The following NAV3 variants were observed in gnomAD, a reference collection of about 807,000 sequenced individuals.
NAV3 encodes the protein pore membrane and/or filament interacting like protein 1.
A neutral mutation model predicts 244.7 loss-of-function variants in NAV3; 87 were observed. The ratio of observed to expected loss-of-function variants is 0.36; its 90% CI spans 0.30 to 0.42. The LOEUF (loss-of-function observed/expected upper bound fraction) is 0.42. Among genes scored for constraint, NAV3 ranks in the 20% least tolerant of loss-of-function variants. The pLI is 1.00. For missense variants in NAV3, 2,663 were observed against 2,893.3 expected, an observed-to-expected ratio of 0.92 and a Z score of 1.83; for synonymous variants, 1,126 against 1,042.2, an observed-to-expected ratio of 1.08 and a Z score of -1.55.
Position 78,161,173 on chromosome 12 carries a change from A to G in NAV3, c.4869+1887A>G, listed in dbSNP as rs1419201583. 3.3e-5 allele frequency among the ~76,000 whole-genome samples: 5 copies of G among 152,244 alleles called. No homozygotes were observed. In the South Asian group the frequency reaches 1.0e-3, roughly 32 times the overall value. On this transcript the variant is annotated intron_variant, in intron 23 of 39. Coordinates refer to ENST00000397909, the MANE Select transcript of NAV3 (RefSeq NM_001024383.2). Reference sequence around the variant, plus strand: ...TTTATCTAACCTTTCTTGAACCTCAAATTCACCTTCTTAAAAGTGGGGATG... The same window carrying G: ...TTTATCTAACCTTTCTTGAACCTCAGATTCACCTTCTTAAAAGTGGGGATG...
At chr12:77,929,598 G>T (rs182414850) in intron 1 of NAV3, among the ~76,000 whole-genome samples, 5 of 151,286 alleles carry the variant, frequency 3.3e-5, no homozygotes, top group Admixed American at 2.6e-4. Context: ...ATCATCTTTC[G>T]CTCAGACTCT....
At chr12:77,869,411 A>T (rs1003810402) in intron 1 of NAV3, among the ~76,000 whole-genome samples, 1 of 152,240 alleles carries the variant, frequency 6.6e-6, no homozygotes, top group Non-Finnish European at 1.5e-5. Context: ...ATTCAATGCA[A>T]TCAATCTTAT....
chr12:78,203,880 G>C (rs1404937197), intron 38 of NAV3, among the ~76,000 whole-genome samples: 1 of 149,404 alleles, frequency 6.7e-6, no homozygotes, highest in Non-Finnish European at 1.5e-5. Flanking sequence ...TTCTCTTCAG[G>C]CTGCCCTTTC....
chr12:78,033,631 T>G (rs1001349309), intron 9 of NAV3, among the ~76,000 whole-genome samples: 3 of 152,060 alleles, frequency 2.0e-5, no homozygotes, highest in African/African-American at 7.2e-5. Context: ...ACTGATGTAG[T>G]TCTGGGACAA....
At chr12:77,916,645 T>C (rs1887178414) in intron 1 of NAV3, among the ~76,000 whole-genome samples, 1 of 152,040 alleles carries the variant, frequency 6.6e-6, no homozygotes, top group Non-Finnish European at 1.5e-5. Flanking sequence ...CATACAATAC[T>C]CAAAGAAAAG....
intron 1 of NAV3, among the ~76,000 whole-genome samples, chr12:77,870,529 C>T (rs1302375732): frequency 2.0e-5 from 3 of 152,022 alleles, no homozygotes; most frequent in Non-Finnish European, 2.9e-5. Flanking sequence ...ATTTAGGAAT[C>T]GGGATAAAAG....
intron 1 of NAV3, among the ~76,000 whole-genome samples, chr12:77,834,553 C>T (rs1242605142): frequency 6.6e-6 from 1 of 152,190 alleles, no homozygotes; most frequent in Non-Finnish European, 1.5e-5. Flanking sequence ...TAGAGAGAGA[C>T]ACTGTCTCTG....
At chr12:77,895,525 C>A (rs1270572777) in intron 1 of NAV3, among the ~76,000 whole-genome samples, 1 of 151,870 alleles carries the variant, frequency 6.6e-6, no homozygotes, top group Non-Finnish European at 1.5e-5. Flanking sequence ...TTAGAACCTG[C>A]CTTTTTATTA....
At chr12:77,934,441 C>G (rs1889128998) in intron 1 of NAV3, among the ~76,000 whole-genome samples, 1 of 45,650 alleles carries the variant, frequency 2.2e-5, no homozygotes, top group African/African-American at 6.9e-5. Context: ...CTGTTGTGGT[C>G]AATGTTGTCC....
At chr12:77,883,262 AT>A (rs1882885119) in intron 1 of NAV3, among the ~76,000 whole-genome samples, 1 of 152,176 alleles carries the variant, frequency 6.6e-6, no homozygotes, top group African/African-American at 2.4e-5. Flanking sequence ...CTATGCTGCT[AT>A]AAAAAGAACA....
intron 1 of NAV3, among the ~76,000 whole-genome samples, chr12:77,898,117 C>T (rs1265743574): frequency 6.6e-6 from 1 of 152,112 alleles, no homozygotes; most frequent in Non-Finnish European, 1.5e-5. Context: ...AAATTAACTA[C>T]CTAGACGAAT....
At chr12:77,839,148 C>T (rs893214651) in intron 1 of NAV3, among the ~76,000 whole-genome samples, 6 of 152,168 alleles carry the variant, frequency 3.9e-5, no homozygotes, top group African/African-American at 1.4e-4. Flanking sequence ...CCACCATGTA[C>T]CCTCCAGGTT....
At chr12:77,601,167 G>A (rs912479233) in intron 2 of NAV3, among the ~76,000 whole-genome samples, 4 of 151,994 alleles carry the variant, frequency 2.6e-5, no homozygotes, top group Non-Finnish European at 4.4e-5. Flanking sequence ...ATGTAGGGAT[G>A]TAGGGATAAT....
intron 2 of NAV3, among the ~76,000 whole-genome samples, chr12:77,677,222 C>T (rs961426620): frequency 4.6e-5 from 7 of 152,184 alleles, no homozygotes; most frequent in African/African-American, 1.7e-4. Flanking sequence ...CTAGGCACAG[C>T]CTATAATATG....
At chr12:78,202,898 A>G (rs553633395) in intron 38 of NAV3, among the ~76,000 whole-genome samples, 2 of 152,274 alleles carry the variant, frequency 1.3e-5, no homozygotes, top group African/African-American at 4.8e-5. Flanking sequence ...TTTACTGGCA[A>G]CAAAGAATCT....
intron 1 of NAV3, among the ~76,000 whole-genome samples, chr12:77,914,356 A>G (rs961736505): frequency 4.6e-5 from 7 of 152,058 alleles, no homozygotes; most frequent in Admixed American, 4.6e-4. Context: ...AGGTACCCAG[A>G]TGATTTATAC....
intron 2 of NAV3, among the ~76,000 whole-genome samples, chr12:77,680,093 G>A (rs1017734577): frequency 1.3e-5 from 2 of 152,106 alleles, no homozygotes; most frequent in African/African-American, 4.8e-5. Flanking sequence ...TACTGAGGGA[G>A]GAAGAAAGTT....
chr12:78,056,016 C>T (rs1323531203), intron 11 of NAV3, among the ~76,000 whole-genome samples: 1 of 152,182 alleles, frequency 6.6e-6, no homozygotes, highest in East Asian at 1.9e-4. Flanking sequence ...TGGATAGTCT[C>T]ACAAATGAGT....
chr12:77,851,487 A>G (rs184240137), intron 1 of NAV3, among the ~76,000 whole-genome samples: 6 of 152,300 alleles, frequency 3.9e-5, no homozygotes, highest in African/African-American at 9.6e-5. Flanking sequence ...TTTGTGCTCA[A>G]TGAAATCTAA....
Sources: allele counts gnomAD v4.1 joint callset (sites outside exome capture counted in the v4.1 genomes callset), GRCh38; gene constraint gnomAD v4.1.1; transcripts MANE v1.5; gene names NCBI Gene and HGNC (gene_info 2026-07-23, HGNC 2026-07-21).